INVS: variants seen among roughly 807,000 people sequenced by gnomAD.
INVS encodes the protein inversion of embryo turning homolog.
INVS carries 86 observed loss-of-function variants against 108.8 expected under a neutral mutation model. The observed-to-expected ratio is 0.79, with a 90% confidence interval of 0.66 to 0.95. The LOEUF (loss-of-function observed/expected upper bound fraction) is 0.95, where lower values mean the gene tolerates loss of function less well. INVS is among the 40% of genes least tolerant of loss of function. INVS has a pLI of 0.00. For missense variants in INVS, 1,169 were observed against 1,297.4 expected (o/e 0.90, Z 1.52); for synonymous variants, 455 against 473.5 (o/e 0.96, Z 0.51).
At chr9:100,232,661 T>C (rs1831549494) in intron 5 of INVS, among the ~76,000 whole-genome samples, 1 of 152,174 alleles carries the variant, frequency 6.6e-6, no homozygotes, top group African/African-American at 2.4e-5. Flanking sequence ...ATCAGATGAT[T>C]GTAGATGTGT....
At chr9:100,269,909 A>C (rs1485624773) in intron 11 of INVS, among the ~76,000 whole-genome samples, 1 of 152,208 alleles carries the variant, frequency 6.6e-6, no homozygotes, top group Non-Finnish European at 1.5e-5. Context: ...ATCAGAGCTG[A>C]CATTTATTAA....
At chr9:100,235,215 C>G (rs1171954892) in intron 5 of INVS, among the ~76,000 whole-genome samples, 1 of 150,288 alleles carries the variant, frequency 6.7e-6, no homozygotes, top group African/African-American at 2.4e-5. Context: ...TTTCCATTTG[C>G]TTGGTAAATC....
intron 2 of INVS, chr9:100,116,957 G>C: frequency 1.3e-5 from 21 of 1,556,232 alleles, no homozygotes; most frequent in Non-Finnish European, 1.8e-5. Flanking sequence ...GCAGCCCCGG[G>C]CTGAGGTGTA....
chr9:100,133,505 C>G (rs1216361668), intron 3 of INVS, among the ~76,000 whole-genome samples: 5 of 151,974 alleles, frequency 3.3e-5, no homozygotes, highest in Non-Finnish European at 7.4e-5. Context: ...AAACATGTAG[C>G]CCTATTTCAT....
At chr9:100,242,303 A>G (rs967401594) in intron 6 of INVS, among the ~76,000 whole-genome samples, 1 of 152,162 alleles carries the variant, frequency 6.6e-6, no homozygotes, top group Non-Finnish European at 1.5e-5. Context: ...GTGATACCTA[A>G]TATAGTTTTT....
At chr9:100,187,712 G>A (rs112110144) in intron 3 of INVS, among the ~76,000 whole-genome samples, 29,255 of 151,436 alleles carry the variant, frequency 0.19, 4,478 homozygotes, top group African/African-American at 0.43. Flanking sequence ...TTTTTAGTAC[G>A]GATGAGGTTT....
chr9:100,256,575 A>G (rs1432570371), intron 10 of INVS, among the ~76,000 whole-genome samples: 1 of 152,160 alleles, frequency 6.6e-6, no homozygotes, highest in East Asian at 1.9e-4. Context: ...TTCCCTTTAC[A>G]CAGTGTTTTA....
At chr9:100,161,388 A>AAAAAAAAAAAAAAAAAAAAAAAC (rs1564138793) in intron 3 of INVS, among the ~76,000 whole-genome samples, 2 of 139,046 alleles carry the variant, frequency 1.4e-5, no homozygotes, top group African/African-American at 5.9e-5. Context: ...AAAAAAAAAA[A>AAAAAAAAAAAAAAAAAAAAAAAC]AAAACCTCAT....
intron 3 of INVS, among the ~76,000 whole-genome samples, chr9:100,213,870 C>T (rs552280686): frequency 6.6e-6 from 1 of 152,218 alleles, no homozygotes; most frequent in East Asian, 1.9e-4. Context: ...GCAAACACAA[C>T]CCTGAAAAAT....
At chr9:100,187,185 G>T (rs1198620542) in intron 3 of INVS, among the ~76,000 whole-genome samples, 1 of 151,848 alleles carries the variant, frequency 6.6e-6, no homozygotes, top group Non-Finnish European at 1.5e-5. Context: ...TTTATTTCTG[G>T]GTTCTCTATT....
intron 3 of INVS, among the ~76,000 whole-genome samples, chr9:100,157,488 G>A (rs1242529660): frequency 2.0e-5 from 3 of 151,768 alleles, no homozygotes; most frequent in Admixed American, 1.3e-4. Context: ...GGATGGTCTC[G>A]ATCTCCTGGC....
intron 3 of INVS, among the ~76,000 whole-genome samples, chr9:100,174,913 G>A (rs562893931): frequency 1.3e-4 from 20 of 151,852 alleles, no homozygotes; most frequent in Admixed American, 6.6e-4. Flanking sequence ...TGCTGTCTCC[G>A]AAAAAAAGAA....
At chr9:100,133,989 A>C (rs1828138542) in intron 3 of INVS, among the ~76,000 whole-genome samples, 3 of 152,180 alleles carry the variant, frequency 2.0e-5, no homozygotes, top group Non-Finnish European at 4.4e-5. Context: ...GTATTTGGTT[A>C]CATGAGTAAG....
chr9:100,138,829 C>G lies in INVS; in HGVS notation c.273+12280C>G, dbSNP rs542503674. On this transcript the variant is annotated intron_variant, in intron 3 of 16. Coordinates refer to ENST00000262457, the MANE Select transcript of INVS (RefSeq NM_014425.5). ...TCAAGCGATTCTCCTGCCTCAGTCTCCGAAGTAACAGGGATTACAGGGGCC... is the reference window on the plus strand; with the variant it reads ...TCAAGCGATTCTCCTGCCTCAGTCTGCGAAGTAACAGGGATTACAGGGGCC... 1.1e-4 allele frequency among the ~76,000 whole-genome samples: 16 copies of G among 151,642 alleles called. No homozygotes were observed. In the East Asian group the frequency reaches 3.1e-3, roughly 30 times the overall value.
intron 2 of INVS, among the ~76,000 whole-genome samples, chr9:100,124,409 C>G (rs961053733): frequency 1.3e-5 from 2 of 151,872 alleles, no homozygotes; most frequent in Non-Finnish European, 2.9e-5. Context: ...TTTCAATCAT[C>G]GAAACATAAC....
At chr9:100,131,007 T>G (rs765455398) in intron 3 of INVS, 2 of 152,152 alleles carry the variant, frequency 1.3e-5, no homozygotes, top group South Asian at 2.1e-4. Context: ...TTTCTAGTTT[T>G]TGTGTGTGTG....
intron 3 of INVS, among the ~76,000 whole-genome samples, chr9:100,210,046 A>C (rs894603102): frequency 3.3e-5 from 5 of 152,092 alleles, no homozygotes; most frequent in Admixed American, 6.6e-5. Context: ...TACTTTCAAC[A>C]TGCAGCTCAG....
intron 2 of INVS, among the ~76,000 whole-genome samples, chr9:100,108,978 A>G (rs1041142690): frequency 2.6e-5 from 4 of 152,240 alleles, no homozygotes; most frequent in Non-Finnish European, 5.9e-5. Context: ...ATAAACATAC[A>G]TAGTAAAATC....
chr9:100,174,782 C>T (rs557472912), intron 3 of INVS, among the ~76,000 whole-genome samples: 53 of 151,882 alleles, frequency 3.5e-4, no homozygotes, highest in Admixed American at 1.2e-3. Flanking sequence ...CATGGTGGTG[C>T]GTGCCTGTAA....
Sources: gnomAD v4.1 joint callset for allele counts (sites outside exome capture counted in the v4.1 genomes callset) on GRCh38, gnomAD v4.1.1 for gene constraint, MANE v1.5 for transcripts, NCBI Gene and HGNC (gene_info 2026-07-23, HGNC 2026-07-21) for gene names.